The following FSIP2 variants were observed in gnomAD, a reference collection of about 807,000 sequenced individuals.
FSIP2 encodes the protein fibrous sheath interacting protein 2.
Under a neutral mutation model 510.5 loss-of-function variants are expected in FSIP2, and 367 were observed. The ratio of observed to expected loss-of-function variants is 0.72; its 90% CI spans 0.66 to 0.78. The LOEUF (loss-of-function observed/expected upper bound fraction) is 0.78, where lower values mean the gene tolerates loss of function less well. Among genes scored for constraint, FSIP2 ranks in the 30% least tolerant of loss-of-function variants. The pLI is 0.00. For missense variants in FSIP2, 7,594 were observed against 7,901.7 expected, an observed-to-expected ratio of 0.96 and a Z score of 1.48; for synonymous variants, 2,601 against 2,732.2, an observed-to-expected ratio of 0.95 and a Z score of 1.50.
At chr2:185,774,193 C>T (rs192702043) in intron 13 of FSIP2, among the ~76,000 whole-genome samples, 145 of 152,212 alleles carry the variant, frequency 9.5e-4, no homozygotes, top group African/African-American at 3.3e-3. Context: ...CTAGATTGTA[C>T]AACTTAATAT....
intron 7 of FSIP2, among the ~76,000 whole-genome samples, chr2:185,751,461 CTG>C (rs56395901): frequency 0.081 from 11,001 of 135,774 alleles, 475 homozygotes; most frequent in African/African-American, 0.092. Flanking sequence ...CTTTATTTTT[CTG>C]TGTGTGTGTG....
intron 2 of FSIP2, 130 bp from the exon 3 acceptor site, chr2:185,743,003 C>A: frequency 3.0e-6 from 2 of 666,314 alleles, no homozygotes; most frequent in South Asian, 2.4e-5. Context: ...TCCAATTTTT[C>A]TGTGGCTGTT....
chr2:185,769,434 G>C (rs1692563341), intron 13 of FSIP2, among the ~76,000 whole-genome samples: 1 of 151,990 alleles, frequency 6.6e-6, no homozygotes, highest in Non-Finnish European at 1.5e-5. Flanking sequence ...ATCTTATTTT[G>C]AAAAGTGTCT....
At chr2:185,824,789 C>A (rs1230622823) in intron 20 of FSIP2, among the ~76,000 whole-genome samples, 11 of 151,704 alleles carry the variant, frequency 7.3e-5, no homozygotes, top group Non-Finnish European at 2.9e-5. Context: ...TATATCTGAG[C>A]CAGAACCCAT....
rs1693185328 is a variant in FSIP2 at position 185,793,368 on chromosome 2, A to G, written c.6232A>G (p.Asn2078Asp). The change falls in exon 16 of 23, where the codon AAT becomes GAT. Residue 2078 changes from asparagine (N) to aspartate (D), a missense_variant. By Grantham distance (23) the Asn-to-Asp change is conservative (BLOSUM62 1). Coordinates refer to ENST00000424728, the MANE Select transcript of FSIP2 (RefSeq NM_173651.4). Reference protein sequence around the residue: ...QQKGVIEKLLNETKYRKVLQL... With the variant: ...QQKGVIEKLLDETKYRKVLQL... ...AAAAGGTGTTATTGAAAAGCTGCTC[A>G]ATGAGACCAAATATCGAAAAGTACT... 6.5e-7 allele frequency: 1 copy of G among 1,533,916 alleles called. No homozygotes were observed. The highest frequency in any genetic ancestry group is 1.4e-5 in the African/African-American group (1 of 72,856).
intron 3 of FSIP2, 49 bp downstream of exon 3, chr2:185,743,343 T>G: frequency 3.8e-6 from 5 of 1,305,510 alleles, no homozygotes; most frequent in Non-Finnish European, 5.1e-6. Context: ...CCTTTAAAAC[T>G]TGATATAAAC....
At chr2:185,823,549 G>A (rs1693963713) in intron 19 of FSIP2, among the ~76,000 whole-genome samples, 1 of 150,972 alleles carries the variant, frequency 6.6e-6, no homozygotes, top group South Asian at 2.1e-4. Context: ...AGGGAGGGAG[G>A]GACAGAAGGA....
Position 185,833,154 on chromosome 2 carries a change from G to C in FSIP2, c.20652G>C (p.Leu6884Phe), listed in dbSNP as rs773708845. 52 of 1,610,646 alleles carry C rather than the reference G, an allele frequency of 3.2e-5. No homozygotes were observed. In the African/African-American group the frequency reaches 6.8e-4, roughly 21 times the overall value. Reference sequence around the variant, plus strand: ...TGCTGACAAAAATGTCTTCAACTTTGTCAAAGGTGTTTTCTCAATGTAACA... The same window carrying C: ...TGCTGACAAAAATGTCTTCAACTTTCTCAAAGGTGTTTTCTCAATGTAACA... ...SKMLTKMSSTLSKVFSQCNTN... is the reference protein window; with the variant it reads ...SKMLTKMSSTFSKVFSQCNTN... The change falls in exon 23 of 23, where the codon TTG (leucine) becomes TTC (phenylalanine). Residue 6884 changes from leucine to phenylalanine, a missense_variant. Transcript: ENST00000424728.
intron 21 of FSIP2, among the ~76,000 whole-genome samples, chr2:185,831,330 G>A (rs899088687): frequency 2.0e-5 from 3 of 151,918 alleles, no homozygotes; most frequent in African/African-American, 4.8e-5. Context: ...AGCTAGTACC[G>A]GAGACACAAT....
In FSIP2 at chr2:185,796,721, T is replaced by C. The variant is rs1693289978; in HGVS notation, c.9585T>C (p.Asp3195=). Residue 3195 remains aspartate (D), a synonymous_variant, in exon 16 of 23, where the codon GAT becomes GAC. Transcript: ENST00000424728. Reference sequence around the variant, plus strand: ...GGTTTGTGTTTTGTTCAGATGAAGATATGAAAGAAAAGTACAGGGTTTCAT... The same window carrying C: ...GGTTTGTGTTTTGTTCAGATGAAGACATGAAAGAAAAGTACAGGGTTTCAT... ...KTGFVFCSDE[D]MKEKYRVSSD... 6.5e-7 allele frequency: 1 copy of C among 1,535,094 alleles called. No individual in the cohort carries two copies. The highest frequency in any genetic ancestry group is 2.4e-5 in the East Asian group (1 of 40,856).
rs976273515 is a variant in FSIP2 at position 185,790,694 on chromosome 2, C to T, written c.3558C>T (p.Ser1186=). The change falls in exon 16 of 23, where the codon TCC becomes TCT. Residue 1186 remains serine, a synonymous_variant. Transcript: ENST00000424728. ...TTCATAAGGCATCAAACTACATTTC[C>T]AATACCACTAAAAGTTCCATTTCAT... ...NILHKASNYI[S]NTTKSSISSS... The T allele has an allele frequency of 6.5e-7, 1 of 1,533,928 alleles. No homozygotes were observed. Among genetic ancestry groups the T allele is most frequent in the Non-Finnish European group, 8.7e-7 (1 of 1,145,416 alleles).
chr2:185,828,357 G>T (rs573901239), intron 21 of FSIP2, among the ~76,000 whole-genome samples, 158 bp downstream of exon 21: 1 of 151,766 alleles, frequency 6.6e-6, no homozygotes, highest in East Asian at 1.9e-4. Flanking sequence ...CCTCTTCCTA[G>T]CTGAGGCCTG....
At chr2:185,782,965 T>TTATC (rs1276320219) in intron 14 of FSIP2, among the ~76,000 whole-genome samples, 2 of 152,170 alleles carry the variant, frequency 1.3e-5, no homozygotes, top group African/African-American at 2.4e-5. Context: ...CTCCTTCTCC[T>TTATC]TATCTATAAT....
Position 185,821,475 on chromosome 2 carries a change from A to C in FSIP2, c.20427-2959A>C, listed in dbSNP as rs183110075. On this transcript the variant is annotated intron_variant, in intron 19 of 22. Coordinates refer to ENST00000424728, the MANE Select transcript of FSIP2 (RefSeq NM_173651.4). ...CATTATTACCAAGACCAAAGACTGC[A>C]AGAAAACACTACAGAACAATATTAC... Among the ~76,000 whole-genome samples, 393 of 152,108 alleles carry C rather than the reference A, an allele frequency of 2.6e-3. 2 individuals carry two copies. The highest frequency in any genetic ancestry group is 4.3e-3 in the Non-Finnish European group (295 of 67,940).
chr2:185,771,341 C>G (rs532043822), intron 13 of FSIP2, among the ~76,000 whole-genome samples: 8 of 152,370 alleles, frequency 5.3e-5, no homozygotes, highest in African/African-American at 1.4e-4. Flanking sequence ...AGCCCTGCAG[C>G]AGGCTTCTGC....
chr2:185,800,436 T>C lies in FSIP2; in HGVS notation c.11130T>C (p.Asp3710=). 1.3e-6 allele frequency: 2 copies of C among 1,528,848 alleles called. No individual in the cohort carries two copies. The allele number at this position is 1,528,848 out of a possible 1,614,324, so 94.7% of individuals were successfully genotyped here. Residue 3710 remains aspartate (D), a synonymous_variant, in exon 17 of 23, where the codon GAT becomes GAC. Coordinates refer to ENST00000424728, the MANE Select transcript of FSIP2 (RefSeq NM_173651.4). ...FNIVSDLFSP[D]ECLDTGMDSG... is the part of the protein sequence containing the mutation. Reference sequence around the variant, plus strand: ...TTGTTTCAGATTTATTTTCACCAGATGAATGCCTAGATACGGGTATGGATT... The same window carrying C: ...TTGTTTCAGATTTATTTTCACCAGACGAATGCCTAGATACGGGTATGGATT...
intron 12 of FSIP2, among the ~76,000 whole-genome samples, chr2:185,763,684 T>C (rs1007073438): frequency 2.0e-5 from 3 of 151,568 alleles, no homozygotes; most frequent in African/African-American, 4.8e-5. Context: ...GAATCAAACA[T>C]GTATCTTTGG....
chr2:185,738,994 G>A lies in FSIP2; in HGVS notation c.99+1G>A. On this transcript the variant is annotated splice_donor_variant, in intron 1 of 22. Coordinates refer to ENST00000424728, the MANE Select transcript of FSIP2 (RefSeq NM_173651.4). LOFTEE classifies it high-confidence loss of function. ...CGCGGACACCCAGCAGTGCAGAGAC[G>A]TGAGTGGCCGCAAGCTGGGCGGCGT... 2 of 1,531,594 alleles carry A rather than the reference G, an allele frequency of 1.3e-6. No individual in the cohort carries two copies. Among genetic ancestry groups the A allele is most frequent in the Non-Finnish European group, 1.7e-6 (2 of 1,145,700 alleles). The allele number at this position is 1,531,594 out of a possible 1,614,324, so 94.9% of individuals were successfully genotyped here. A position where few individuals can be genotyped will look rare whatever the true frequency, so the allele number is the denominator to read the frequency against.
At chr2:185,756,349 A>C in intron 9 of FSIP2, 71 bp downstream of exon 9, 1 of 522,760 alleles carries the variant, frequency 1.9e-6, no homozygotes, top group Non-Finnish European at 3.2e-6. Context: ...TTTTGTAACA[A>C]CTTTTTTCAC....
Sources: allele counts gnomAD v4.1 joint callset (sites outside exome capture counted in the v4.1 genomes callset), GRCh38; gene constraint gnomAD v4.1.1; transcripts MANE v1.5; gene names NCBI Gene and HGNC (gene_info 2026-07-23, HGNC 2026-07-21).